Variants in PRDM16 observed in about 807,000 individuals in gnomAD.
PRDM16 encodes the protein PR/SET domain 16.
In PRDM16, 23 loss-of-function variants were observed where a neutral mutation model predicts 110.6. That is an observed-to-expected ratio of 0.21 (90% CI 0.15 to 0.29). PRDM16 has a LOEUF of 0.29. Among genes scored for constraint, PRDM16 ranks in the 10% least tolerant of loss-of-function variants. The probability of loss-of-function intolerance (pLI) is 1.00; values close to 1 mark genes in which losing one functional copy is unlikely to be tolerated. For missense variants in PRDM16, 1,615 were observed against 1,794.3 expected (o/e 0.90, Z 1.81); for synonymous variants, 799 against 781.8 (o/e 1.02, Z -0.37).
In PRDM16 at chr1:3,208,849, C is replaced by T. The variant is rs1374204630; in HGVS notation, c.387+22375C>T. 6.6e-6 allele frequency among the ~76,000 whole-genome samples: 1 copy of T among 152,200 alleles called. No individual in the cohort carries two copies. The highest frequency in any genetic ancestry group is 2.4e-5 in the African/African-American group (1 of 41,438). On this transcript the variant is annotated intron_variant, in intron 2 of 16. Transcript: ENST00000270722. The surrounding 1 kb of genome is among the most constrained non-coding windows in gnomAD (Gnocchi z 6.1). ...CACCCCCTGAAGCCATCTCCTCTTG[C>T]TCCCTGAGTGCCTGTCCAGAGGCCC...
Position 3,350,406 on chromosome 1 carries a change from C to T in PRDM16, c.439-34746C>T, listed in dbSNP as rs1179201178. Among the ~76,000 whole-genome samples the T allele has an allele frequency of 6.6e-6, 1 of 152,136 alleles. No homozygotes were observed. Among genetic ancestry groups the T allele is most frequent in the Non-Finnish European group, 1.5e-5 (1 of 68,010 alleles). On this transcript the variant is annotated intron_variant, in intron 3 of 16. Coordinates refer to ENST00000270722, the MANE Select transcript of PRDM16 (RefSeq NM_022114.4). The surrounding 1 kb of genome is among the most constrained non-coding windows in gnomAD (Gnocchi z 7.1). The stretch of plus-strand genomic sequence containing the variant: ...AACCTGGGCACCCTTGAAGCCACCC[C>T]CTCTTTCCCTCCTGGGCTCTACTGC...
intron 2 of PRDM16, among the ~76,000 whole-genome samples, chr1:3,220,788 C>T (rs7544555): frequency 0.15 from 22,895 of 152,106 alleles, 2,263 homozygotes; most frequent in African/African-American, 0.26. Context: ...TGCATCTGCT[C>T]GCCTCCTCCA....
intron 3 of PRDM16, among the ~76,000 whole-genome samples, chr1:3,333,797 T>A (rs1476109956): frequency 6.6e-6 from 1 of 152,164 alleles, no homozygotes; most frequent in East Asian, 1.9e-4. Context: ...CCCCCCTCGG[T>A]TAGCTCATGC....
In PRDM16 at chr1:3,305,678, C is replaced by T. The variant is rs78583226; in HGVS notation, c.438+61541C>T. ...AGGGCAGAAAGCGCCCCGTGGAAAA[C>T]GGTGGGGAATTGTGGAGCAGGCAGG... On this transcript the variant is annotated intron_variant, in intron 3 of 16. Transcript: ENST00000270722. 5.5e-3 allele frequency among the ~76,000 whole-genome samples: 843 copies of T among 152,344 alleles called. 8 individuals are homozygous for T. Among genetic ancestry groups the T allele is most frequent in the African/African-American group, 0.019 (792 of 41,590 alleles).
intron 6 of PRDM16, 59 bp downstream of exon 6, chr1:3,403,057 C>T (rs12735396): frequency 1.3e-6 from 1 of 754,268 alleles, no homozygotes; most frequent in African/African-American, 1.8e-5. Flanking sequence ...GAGTCTTCCT[C>T]CCCTTCCCGT....
At chr1:3,409,234 A>C (rs907557060) in intron 8 of PRDM16, among the ~76,000 whole-genome samples, 1 of 150,574 alleles carries the variant, frequency 6.6e-6, no homozygotes, top group Non-Finnish European at 1.5e-5. Context: ...TGGGTGTGAG[A>C]GTGTGTGAGT....
At chr1:3,302,497 T>C (rs890335888) in intron 3 of PRDM16, among the ~76,000 whole-genome samples, 4 of 83,050 alleles carry the variant, frequency 4.8e-5, no homozygotes, top group Admixed American at 3.2e-4. Context: ...TGCCACAAAG[T>C]ATCCATTTGT....
At chr1:3,249,549 GA>G (rs5772099) in intron 3 of PRDM16, among the ~76,000 whole-genome samples, 56,020 of 148,016 alleles carry the variant, frequency 0.38, 10,773 homozygotes, top group Middle Eastern at 0.5. Context: ...TACCAAAAAA[GA>G]AAAAAAAAAA....
chr1:3,406,620 T>C (rs972286583), intron 8 of PRDM16, among the ~76,000 whole-genome samples: 3 of 152,034 alleles, frequency 2.0e-5, no homozygotes, highest in Non-Finnish European at 4.4e-5. Context: ...TGTGTGCCTG[T>C]GGTCCCAGCT....
intron 14 of PRDM16, 146 bp from the exon 15 acceptor site, chr1:3,430,726 C>A (rs1638741112): frequency 1.0e-6 from 1 of 963,714 alleles, no homozygotes; most frequent in African/African-American, 1.6e-5. Context: ...TGGCTGGGCC[C>A]AGGGACCCGC....
chr1:3,250,395 A>G (rs893719334), intron 3 of PRDM16, among the ~76,000 whole-genome samples: 1 of 152,048 alleles, frequency 6.6e-6, no homozygotes, highest in Admixed American at 6.5e-5. Context: ...GCCCGTTAGC[A>G]TGGCCCAAGG....
chr1:3,356,710 G>A (rs1159140595), intron 3 of PRDM16, among the ~76,000 whole-genome samples: 1 of 152,220 alleles, frequency 6.6e-6, no homozygotes. Context: ...CCAGCAAGCT[G>A]ACAGCAGGAG....
chr1:3,303,508 G>A (rs183989716), intron 3 of PRDM16, among the ~76,000 whole-genome samples: 2 of 152,340 alleles, frequency 1.3e-5, no homozygotes, highest in African/African-American at 2.4e-5. Flanking sequence ...CCGTTGGGAA[G>A]AGTGCCGTGG....
At chr1:3,367,815 G>C (rs532116441) in intron 3 of PRDM16, among the ~76,000 whole-genome samples, 3 of 152,166 alleles carry the variant, frequency 2.0e-5, no homozygotes, top group African/African-American at 7.2e-5. Context: ...GTTATATTTT[G>C]TTTTAATTAA....
chr1:3,231,549 G>T lies in PRDM16; in HGVS notation c.388-12538G>T, dbSNP rs7551207. Among the ~76,000 whole-genome samples the T allele has an allele frequency of 8.6e-3, 1,312 of 152,332 alleles. 13 individuals are homozygous for T. The highest frequency in any genetic ancestry group is 0.03 in the African/African-American group (1,231 of 41,558). Reference sequence around the variant, plus strand: ...GTTTCTGGGACTCACAATGGGAAGCGCTGGCTTGGGGCCCAGGATTATTTG... The same window carrying T: ...GTTTCTGGGACTCACAATGGGAAGCTCTGGCTTGGGGCCCAGGATTATTTG... On this transcript the variant is annotated intron_variant, in intron 2 of 16. Transcript: ENST00000270722.
In PRDM16 at chr1:3,246,437, C is replaced by T. The variant is rs559200199; in HGVS notation, c.438+2300C>T. On this transcript the variant is annotated intron_variant, in intron 3 of 16. Transcript: ENST00000270722. The surrounding 1 kb of genome is among the most constrained non-coding windows in gnomAD (Gnocchi z 5.2). ...CACGAGACCCCCCACGGCACCGCCG[C>T]GACTGCAGGGAGCTCAGCGCAGGGT... 3.5e-4 allele frequency among the ~76,000 whole-genome samples: 53 copies of T among 152,340 alleles called. No homozygotes were observed. Among genetic ancestry groups the T allele is most frequent in the African/African-American group, 1.3e-3 (52 of 41,582 alleles).
At chr1:3,326,193 C>T (rs1433784141) in intron 3 of PRDM16, among the ~76,000 whole-genome samples, 4 of 150,950 alleles carry the variant, frequency 2.6e-5, no homozygotes, top group South Asian at 2.1e-4. Flanking sequence ...TGGCCATCCT[C>T]GACCATCCTT....
At chr1:3,286,553 G>T (rs529767134) in intron 3 of PRDM16, among the ~76,000 whole-genome samples, 3 of 152,160 alleles carry the variant, frequency 2.0e-5, no homozygotes, top group Non-Finnish European at 2.9e-5. Flanking sequence ...GAATTGACAT[G>T]CAGGAGAGGA....
chr1:3,357,953 C>T (rs2100552388), intron 3 of PRDM16, among the ~76,000 whole-genome samples: 1 of 152,364 alleles, frequency 6.6e-6, no homozygotes, highest in Middle Eastern at 3.4e-3. Flanking sequence ...AAGCACTGAC[C>T]CACACTGACC....
Sources: gnomAD v4.1 joint callset for allele counts (sites outside exome capture counted in the v4.1 genomes callset) on GRCh38, gnomAD v4.1.1 for gene constraint, Gnocchi (gnomAD v3.1) non-coding constraint, MANE v1.5 for transcripts, NCBI Gene and HGNC (gene_info 2026-07-23, HGNC 2026-07-21) for gene names.